VAPA: variants seen among roughly 807,000 people sequenced by gnomAD.
The protein encoded by VAPA is VAMP associated protein A, also known as vesicle-associated membrane protein-associated protein A.
A neutral mutation model predicts 25.6 loss-of-function variants in VAPA; 6 were observed. The observed-to-expected ratio is 0.23, with a 90% CI of 0.13 to 0.46. The LOEUF is 0.46. VAPA is among the 20% of genes least tolerant of loss of function. The pLI is 0.99. For synonymous variants in VAPA, 112 were observed against 106.2 expected (o/e 1.05, Z -0.34); for missense variants, 244 against 302.1 (o/e 0.81, Z 1.43).
chr18:9,933,954 T>C (rs571561393), intron 2 of VAPA, among the ~76,000 whole-genome samples: 3 of 152,364 alleles, frequency 2.0e-5, no homozygotes, highest in Admixed American at 1.3e-4. Context: ...GGGCCTAGAT[T>C]GCTGGTTTCT....
intron 2 of VAPA, among the ~76,000 whole-genome samples, chr18:9,932,786 A>T (rs765858268): frequency 1.9e-4 from 29 of 152,186 alleles, no homozygotes; most frequent in Non-Finnish European, 3.5e-4. Flanking sequence ...TCTCTCCCAG[A>T]TTGGAATCTC....
chr18:9,919,514 A>G (rs768388267), intron 1 of VAPA, among the ~76,000 whole-genome samples: 3 of 152,244 alleles, frequency 2.0e-5, no homozygotes, highest in East Asian at 1.9e-4. Flanking sequence ...GAAGAGCTAT[A>G]TAGTGCTACG....
intron 1 of VAPA, among the ~76,000 whole-genome samples, chr18:9,919,671 G>A (rs977468957): frequency 6.6e-6 from 1 of 152,194 alleles, no homozygotes; most frequent in Non-Finnish European, 1.5e-5. Flanking sequence ...TTACCATACT[G>A]AAAGAGGTCG....
Position 9,957,302 on chromosome 18 carries a change from T to A in VAPA, c.*3091T>A, listed in dbSNP as rs1033983476. On this transcript the variant is annotated 3_prime_UTR_variant, in exon 6 of 6. Transcript: ENST00000400000. Reference sequence around the variant, plus strand: ...CCTCCCAAAGTGCTGGGATTACAGGTGTGAGCTGCCGCACCCAGCCAAGAA... The same window carrying A: ...CCTCCCAAAGTGCTGGGATTACAGGAGTGAGCTGCCGCACCCAGCCAAGAA... 1 of 152,194 alleles carries A rather than the reference T, an allele frequency of 6.6e-6. No individual in the cohort carries two copies. The highest frequency in any genetic ancestry group is 1.5e-5 in the Non-Finnish European group (1 of 68,050). The allele number at this position is 152,194 out of a possible 1,614,324, so 9.4% of individuals were successfully genotyped here. A position where few individuals can be genotyped will look rare whatever the true frequency, so the allele number is the denominator to read the frequency against.
intron 4 of VAPA, among the ~76,000 whole-genome samples, chr18:9,942,658 C>G (rs2069377767): frequency 6.6e-6 from 1 of 152,128 alleles, no homozygotes; most frequent in Admixed American, 6.5e-5. Flanking sequence ...GAGGAGGCCT[C>G]AGGAAACTTC....
At chr18:9,935,409 C>CA (rs961243671) in intron 2 of VAPA, among the ~76,000 whole-genome samples, 3 of 151,816 alleles carry the variant, frequency 2.0e-5, no homozygotes, top group Non-Finnish European at 4.4e-5. Flanking sequence ...CCTTTCTCTA[C>CA]AAAAAAATAC....
In VAPA at chr18:9,947,092, G is replaced by A. The variant is rs559232291; in HGVS notation, c.418-3303G>A. Among the ~76,000 whole-genome samples, 22 of 152,280 alleles carry A rather than the reference G, an allele frequency of 1.4e-4. No homozygotes were observed. In the Middle Eastern group the frequency reaches 0.01, roughly 71 times the overall value. ...CTTCAGGGACAGTAACACTCATGGA[G>A]CTGACATCTCCTATGTTAACAGTGT... is the stretch of plus-strand genomic sequence containing the variant. On this transcript the variant is annotated intron_variant, in intron 4 of 5. Coordinates refer to ENST00000400000, the MANE Select transcript of VAPA (RefSeq NM_194434.3).
chr18:9,924,546 T>G (rs984599235), intron 1 of VAPA, among the ~76,000 whole-genome samples: 3 of 152,216 alleles, frequency 2.0e-5, no homozygotes, highest in Non-Finnish European at 4.4e-5. Flanking sequence ...CAGGATTGTT[T>G]AGGTCAGACT....
chr18:9,936,633 G>A, intron 3 of VAPA: 1 of 227,384 alleles, frequency 4.4e-6, no homozygotes, highest in Non-Finnish European at 8.5e-6. Flanking sequence ...TGTAGTCCCA[G>A]CTACCCAGGA....
At chr18:9,952,504 T>A (rs946793260) in intron 5 of VAPA, among the ~76,000 whole-genome samples, 7 of 151,080 alleles carry the variant, frequency 4.6e-5, no homozygotes, top group Admixed American at 4.6e-4. Context: ...GAGGCAGAGG[T>A]TGCAGTGAGC....
chr18:9,922,906 G>T (rs1458474452), intron 1 of VAPA, among the ~76,000 whole-genome samples: 1 of 151,986 alleles, frequency 6.6e-6, no homozygotes, highest in African/African-American at 2.4e-5. Flanking sequence ...GCTTAAATGA[G>T]ATTGAATTTG....
chr18:9,937,497 CT>C (rs1334792119), intron 4 of VAPA, among the ~76,000 whole-genome samples: 2 of 152,108 alleles, frequency 1.3e-5, no homozygotes, highest in African/African-American at 2.4e-5. Context: ...ATTTTGCTCA[CT>C]TTTGTTTTTA....
In VAPA at chr18:9,955,829, C is replaced by T. The variant is rs913217303; in HGVS notation, c.*1618C>T. Reference sequence around the variant, plus strand: ...AAAGGAAACACAAGTAATGCCTATCCATTACTAGCATGCTATGCTGCATGC... The same window carrying T: ...AAAGGAAACACAAGTAATGCCTATCTATTACTAGCATGCTATGCTGCATGC... On this transcript the variant is annotated 3_prime_UTR_variant, in exon 6 of 6. Coordinates refer to ENST00000400000, the MANE Select transcript of VAPA (RefSeq NM_194434.3). The T allele has an allele frequency of 2.0e-5, 3 of 152,166 alleles. No individual in the cohort carries two copies. The highest frequency in any genetic ancestry group is 4.4e-5 in the Non-Finnish European group (3 of 68,028). 9.4% of individuals were successfully genotyped at this position (152,166 alleles called of 1,614,324 possible).
intron 4 of VAPA, among the ~76,000 whole-genome samples, chr18:9,938,741 A>G (rs1778559096): frequency 6.6e-6 from 1 of 152,228 alleles, no homozygotes; most frequent in Admixed American, 6.5e-5. Flanking sequence ...GGACTTGTAT[A>G]TTAAATTGTA....
chr18:9,931,788 C>T, intron 1 of VAPA, 22 bp from the exon 2 acceptor site: 1 of 1,577,880 alleles, frequency 6.3e-7, no homozygotes, highest in Non-Finnish European at 8.6e-7. Flanking sequence ...TTTGTTTTCT[C>T]TTTAATTTTT....
intron 4 of VAPA, among the ~76,000 whole-genome samples, chr18:9,944,492 T>C (rs1055881472): frequency 3.9e-5 from 6 of 152,176 alleles, no homozygotes; most frequent in Non-Finnish European, 5.9e-5. Context: ...GGATAGGCTT[T>C]AAGTACAAGA....
intron 4 of VAPA, among the ~76,000 whole-genome samples, chr18:9,939,629 A>G (rs2069347086): frequency 6.7e-6 from 1 of 150,032 alleles, no homozygotes; most frequent in Non-Finnish European, 1.5e-5. Flanking sequence ...GGTGCTATTT[A>G]ACCTTTTTTC....
At chr18:9,920,023 C>CT (rs1221969645) in intron 1 of VAPA, among the ~76,000 whole-genome samples, 2 of 152,018 alleles carry the variant, frequency 1.3e-5, no homozygotes, top group African/African-American at 4.8e-5. Flanking sequence ...GTATGAATGT[C>CT]TGAGATTTCT....
At chr18:9,950,289 T>A in intron 4 of VAPA, 106 bp from the exon 5 acceptor site, 5 of 1,282,660 alleles carry the variant, frequency 3.9e-6, no homozygotes, top group Non-Finnish European at 5.4e-6. Flanking sequence ...TTAGGCCTTT[T>A]AAAGAGTTTT....
Sources: allele counts gnomAD v4.1 joint callset (sites outside exome capture counted in the v4.1 genomes callset), GRCh38; gene constraint gnomAD v4.1.1; transcripts MANE v1.5; gene names NCBI Gene and HGNC (gene_info 2026-07-23, HGNC 2026-07-21).